Variants in ITGB4 observed in about 807,000 individuals in gnomAD.
ITGB4 encodes the protein integrin beta-4.
A neutral mutation model predicts 207.6 loss-of-function variants in ITGB4; 159 were observed. The observed-to-expected ratio is 0.77, with a 90% confidence interval of 0.67 to 0.87. The LOEUF is 0.87. Ranked by LOEUF, ITGB4 falls within the 40% of genes least tolerant of loss-of-function variation. The pLI is 0.00. For missense variants in ITGB4, 2,278 were observed against 2,546.8 expected, an observed-to-expected ratio of 0.89 and a Z score of 2.27; for synonymous variants, 1,020 against 1,062.7, an observed-to-expected ratio of 0.96 and a Z score of 0.78.
chr17:75,748,187 C>T (rs1179158096), intron 26 of ITGB4, among the ~76,000 whole-genome samples: 3 of 110,502 alleles, frequency 2.7e-5, no homozygotes, highest in Middle Eastern at 0.016. Flanking sequence ...ATAGGGTAAC[C>T]GTGCCTCTAC....
At position 75,737,522 on chromosome 17, in the gene ITGB4, G is replaced by A; in HGVS notation, c.2114-16G>A. On this transcript the variant is annotated splice_polypyrimidine_tract_variant and intron_variant, in intron 17 of 39. Coordinates refer to ENST00000200181, the MANE Select transcript of ITGB4 (RefSeq NM_000213.5). The stretch of plus-strand genomic sequence containing the variant: ...GGGAGGACAGGCACCACCTCCCCCT[G>A]CCTCCTCCTCTCCAGACTGCCCTCC... 1.3e-6 allele frequency: 2 copies of A among 1,561,076 alleles called. No homozygotes were observed. Among genetic ancestry groups the A allele is most frequent in the Non-Finnish European group, 1.7e-6 (2 of 1,153,070 alleles).
At chr17:75,745,332 A>G (rs1284018146) in intron 26 of ITGB4, among the ~76,000 whole-genome samples, 1 of 151,984 alleles carries the variant, frequency 6.6e-6, no homozygotes, top group Non-Finnish European at 1.5e-5. Context: ...GGTTGAGGCT[A>G]CAGTGAGCCA....
rs1289332159 is a variant in ITGB4 at position 75,752,510 on chromosome 17, T to C, written c.4041T>C (p.Leu1347=). The change falls in exon 32 of 40, where the codon CTT becomes CTC. Residue 1347 remains leucine (L), a synonymous_variant. Transcript: ENST00000200181. ...GCGGGGAGGACTACGACAGCTTCCTTATGTACAGCGATGACGTTCTACGCT... is the reference window on the plus strand; with the variant it reads ...GCGGGGAGGACTACGACAGCTTCCTCATGTACAGCGATGACGTTCTACGCT... The part of the protein sequence containing the change: ...AQSGEDYDSF[L]MYSDDVLRSP... 2.5e-6 allele frequency: 4 copies of C among 1,613,578 alleles called. No homozygotes were observed. Among genetic ancestry groups the C allele is most frequent in the Non-Finnish European group, 3.4e-6 (4 of 1,180,020 alleles).
chr17:75,731,834 G>C lies in ITGB4; in HGVS notation c.1238G>C (p.Arg413Pro). The C allele has an allele frequency of 6.2e-7, 1 of 1,607,072 alleles. No homozygotes were observed. The highest frequency in any genetic ancestry group is 8.5e-7 in the Non-Finnish European group (1 of 1,177,064). ...CAGGGTATATACCAGGTGCAGCTGCGGGCCCTTGAGCACGTGGATGGGACG... is the reference window on the plus strand; with the variant it reads ...CAGGGTATATACCAGGTGCAGCTGCCGGCCCTTGAGCACGTGGATGGGACG... ...GEVGIYQVQL[R>P]ALEHVDGTHV... The change falls in exon 11 of 40, where the codon CGG (arginine) becomes CCG (proline). Residue 413 changes from arginine (R) to proline (P), a missense_variant. Transcript: ENST00000200181. The surrounding 1 kb of genome is among the most constrained non-coding windows in gnomAD (Gnocchi z 6.8).
In ITGB4 at chr17:75,750,983, A is replaced by T. The variant is rs2061354895; in HGVS notation, c.3665A>T (p.Glu1222Val). Residue 1222 changes from glutamate to valine, a missense_variant, in exon 30 of 40, where the codon GAG becomes GTG. Transcript: ENST00000200181. This position sits in a 1 kb window ranked among gnomAD's most constrained non-coding sequence, Gnocchi z 5.5. ...ATTCCCCGCTCCCTAGTGCCCAGCG[A>T]GCCAGGGCGTCTGGCCTTCAATGTC... ...SCRTHQEVPS[E>V]PGRLAFNVVS... 9 of 1,613,614 alleles carry T rather than the reference A, an allele frequency of 5.6e-6. No homozygotes were observed. The highest frequency in any genetic ancestry group is 1.3e-5 in the African/African-American group (1 of 74,928).
rs751159325 is a variant in ITGB4, at chr17:75,732,134, G to A, written c.1378-29G>A. 5.0e-6 allele frequency: 8 copies of A among 1,613,048 alleles called. No homozygotes were observed. The highest frequency in any genetic ancestry group is 1.7e-4 in the Middle Eastern group (1 of 6,060). Reference sequence around the variant, plus strand: ...GTGGCCCCGGTCCTGCTCCCCCGACGCACCCCACCATGGTCTCTCTCATTC... The same window carrying A: ...GTGGCCCCGGTCCTGCTCCCCCGACACACCCCACCATGGTCTCTCTCATTC... On this transcript the variant is annotated intron_variant, in intron 11 of 39. Coordinates refer to ENST00000200181, the MANE Select transcript of ITGB4 (RefSeq NM_000213.5). This position sits in a 1 kb window ranked among gnomAD's most constrained non-coding sequence, Gnocchi z 5.3.
In ITGB4 at chr17:75,755,815, A is replaced by C; in HGVS notation, c.4673A>C (p.Gln1558Pro). 6.2e-7 allele frequency: 1 copy of C among 1,608,690 alleles called. No homozygotes were observed. The highest frequency in any genetic ancestry group is 8.5e-7 in the Non-Finnish European group (1 of 1,179,806). Residue 1558 changes from glutamine (Q) to proline (P), a missense_variant, in exon 35 of 40, where the codon CAG becomes CCG. Gln to Pro is a moderately conservative substitution (Grantham distance 76, BLOSUM62 -1). Coordinates refer to ENST00000200181, the MANE Select transcript of ITGB4 (RefSeq NM_000213.5). ...GAGCCGCGGTGCGAGCGGCCGCTGC[A>C]GGGCTACAGTGTGGAGTACCAGCTG... ...WQEPRCERPL[Q>P]GYSVEYQLLN...
intron 15 of ITGB4, 70 bp from the exon 16 acceptor site, chr17:75,736,495 T>G (rs1599250269): frequency 6.2e-7 from 1 of 1,601,206 alleles, no homozygotes; most frequent in Non-Finnish European, 8.5e-7. Flanking sequence ...GGGCAAGAGG[T>G]TTGGGGAGCG....
In ITGB4 at chr17:75,740,965, C is replaced by A; in HGVS notation, c.2610-17C>A. 1 of 1,614,014 alleles carries A rather than the reference C, an allele frequency of 6.2e-7. No individual in the cohort carries two copies. Among genetic ancestry groups the A allele is most frequent in the Non-Finnish European group, 8.5e-7 (1 of 1,180,026 alleles). On this transcript the variant is annotated splice_polypyrimidine_tract_variant and intron_variant, in intron 22 of 39. Transcript: ENST00000200181. This position sits in a 1 kb window ranked among gnomAD's most constrained non-coding sequence, Gnocchi z 5.9. ...TTCAGGGCTATCTAGCTCACAGCGC[C>A]CTCTTTGTCCCCACAGGCAGCAGCC...
In ITGB4 at chr17:75,750,596, A is replaced by G; in HGVS notation, c.3475-84A>G. 1 of 1,239,946 alleles carries G rather than the reference A, an allele frequency of 8.1e-7. No homozygotes were observed. The highest frequency in any genetic ancestry group is 1.2e-5 in the South Asian group (1 of 80,128). 76.8% of individuals were successfully genotyped at this position (1,239,946 alleles called of 1,614,324 possible). A position where few individuals can be genotyped will look rare whatever the true frequency, so the allele number is the denominator to read the frequency against. The stretch of plus-strand genomic sequence containing the variant: ...CGGGCCTCATCTGTGCAAAGAGGAC[A>G]GTAAGGGCAGAGGTCAGAGGAGGGA... On this transcript the variant is annotated intron_variant, in intron 28 of 39. Coordinates refer to ENST00000200181, the MANE Select transcript of ITGB4 (RefSeq NM_000213.5). This position sits in a 1 kb window ranked among gnomAD's most constrained non-coding sequence, Gnocchi z 5.5.
rs2061355653 is a variant in ITGB4, at chr17:75,751,021, GTGACCCAGCTGAGCTGGGC to G, written c.3707_3725del (p.Thr1236SerfsTer29). ...GGCCTTCAATGTCGTCTCCTCCACG[GTGACCCAGCTGAGCTGGGC>G]TGAGCCGGCTGAGACCAACGGTGAG... On this transcript the variant is annotated frameshift_variant, in exon 30 of 40. Coordinates refer to ENST00000200181, the MANE Select transcript of ITGB4 (RefSeq NM_000213.5). LOFTEE classifies it high-confidence loss of function. The G allele has an allele frequency of 2.5e-6, 4 of 1,613,870 alleles. No individual in the cohort carries two copies. The highest frequency in any genetic ancestry group is 3.4e-6 in the Non-Finnish European group (4 of 1,180,026).
intron 16 of ITGB4, 126 bp from the exon 17 acceptor site, chr17:75,737,196 C>A: frequency 1.6e-6 from 2 of 1,248,522 alleles, no homozygotes; most frequent in Non-Finnish European, 2.2e-6. Context: ...AGGACTTCCA[C>A]TCTTCCCCAG....
rs751358870 is a variant in ITGB4, at chr17:75,756,959, C to T, written c.5070C>T (p.Phe1690=). 1 of 1,612,664 alleles carries T rather than the reference C, an allele frequency of 6.2e-7. No individual in the cohort carries two copies. Among genetic ancestry groups the T allele is most frequent in the Non-Finnish European group, 8.5e-7 (1 of 1,179,934 alleles). Residue 1690 remains phenylalanine (F), a synonymous_variant, in exon 38 of 40, where the codon TTC becomes TTT. Transcript: ENST00000200181. ...MAQGGGPATA[F]RVDGDSPESR... ...CCTGCTCAGGGCCAGCCACCGCATT[C>T]CGGGTGGATGGAGACAGCCCCGAGA... is the stretch of plus-strand genomic sequence containing the variant.
chr17:75,726,795 CG>C (rs1280914180), intron 2 of ITGB4, among the ~76,000 whole-genome samples: 10 of 151,242 alleles, frequency 6.6e-5, no homozygotes, highest in African/African-American at 2.4e-4. Context: ...TACATAAGGC[CG>C]GGCCCGGTGG....
chr17:75,749,599 C>T (rs1361465690), intron 27 of ITGB4, among the ~76,000 whole-genome samples: 3 of 152,194 alleles, frequency 2.0e-5, no homozygotes, highest in African/African-American at 4.8e-5. Context: ...ATCTGGCAAC[C>T]CTACAGCTAG....
chr17:75,727,329 G>A lies in ITGB4; in HGVS notation c.162+52G>A. Reference sequence around the variant, plus strand: ...GAACAGGCAAGGGTCGGGAATAGCTGGTGGAAATGAATCTAGGGTTGGGGC... The same window carrying A: ...GAACAGGCAAGGGTCGGGAATAGCTAGTGGAAATGAATCTAGGGTTGGGGC... On this transcript the variant is annotated intron_variant, in intron 3 of 39. Coordinates refer to ENST00000200181, the MANE Select transcript of ITGB4 (RefSeq NM_000213.5). The surrounding 1 kb of genome is among the most constrained non-coding windows in gnomAD (Gnocchi z 6.0). The A allele has an allele frequency of 6.2e-7, 1 of 1,612,310 alleles. No individual in the cohort carries two copies. The highest frequency in any genetic ancestry group is 8.5e-7 in the Non-Finnish European group (1 of 1,178,656).
rs566120440 is a variant in ITGB4 at position 75,750,307 on chromosome 17, C to T, written c.3474+39C>T. The T allele has an allele frequency of 8.3e-6, 13 of 1,574,794 alleles. No individual in the cohort carries two copies. The highest frequency in any genetic ancestry group is 7.0e-5 in the South Asian group (6 of 85,636). ...CTGAGGGTCACGACAGGTGGATGGGCGGTCTGGCACCAGCACTCACAGAAG... is the reference window on the plus strand; with the variant it reads ...CTGAGGGTCACGACAGGTGGATGGGTGGTCTGGCACCAGCACTCACAGAAG... On this transcript the variant is annotated intron_variant, in intron 28 of 39. Coordinates refer to ENST00000200181, the MANE Select transcript of ITGB4 (RefSeq NM_000213.5). The surrounding 1 kb of genome is among the most constrained non-coding windows in gnomAD (Gnocchi z 5.5).
At chr17:75,748,585 A>C (rs1409103501) in intron 26 of ITGB4, among the ~76,000 whole-genome samples, 1 of 151,114 alleles carries the variant, frequency 6.6e-6, no homozygotes, top group Non-Finnish European at 1.5e-5. Context: ...TGTGAGAATC[A>C]TTTGAACCTG....
At chr17:75,751,992 C>A in intron 30 of ITGB4, 182 bp from the exon 31 acceptor site, 1 of 750,270 alleles carries the variant, frequency 1.3e-6, no homozygotes, top group South Asian at 1.4e-5. Flanking sequence ...GACATATGTC[C>A]ACGCCAGTCA....
Sources: allele counts gnomAD v4.1 joint callset (sites outside exome capture counted in the v4.1 genomes callset), GRCh38; gene constraint gnomAD v4.1.1; non-coding constraint Gnocchi (gnomAD v3.1); transcripts MANE v1.5; gene names NCBI Gene and HGNC (gene_info 2026-07-23, HGNC 2026-07-21).